The following FBRSL1 variants were observed in gnomAD, a reference collection of about 807,000 sequenced individuals.
FBRSL1 encodes the protein fibrosin-1-like protein.
FBRSL1 carries 51 observed loss-of-function variants against 89.6 expected under a neutral mutation model. That is an observed-to-expected ratio of 0.57 (90% confidence interval 0.45 to 0.72). The LOEUF (loss-of-function observed/expected upper bound fraction) is 0.72. Ranked by LOEUF, FBRSL1 falls within the 30% of genes least tolerant of loss-of-function variation. The pLI is 0.00. For synonymous variants in FBRSL1, 779 were observed against 681.1 expected, an observed-to-expected ratio of 1.14 and a Z score of -2.24; for missense variants, 1,618 against 1,451.8, an observed-to-expected ratio of 1.11 and a Z score of -1.86.
In FBRSL1 at chr12:132,490,443, C is replaced by T. The variant is rs1239732945; in HGVS notation, c.-128C>T. 1.5e-5 allele frequency: 10 copies of T among 646,546 alleles called. No individual in the cohort carries two copies. The highest frequency in any genetic ancestry group is 1.9e-5 in the Non-Finnish European group (10 of 527,122). The allele number at this position is 646,546 out of a possible 1,614,324, so 40.1% of individuals were successfully genotyped here. On this transcript the variant is annotated 5_prime_UTR_variant, in exon 1 of 19. Transcript: ENST00000680143. Reference sequence around the variant, plus strand: ...GCCCGGCCCGGCCCGCCGCCCGCCGCCGCCCAGGGCCCGAGCCCGCGCGGC... The same window carrying T: ...GCCCGGCCCGGCCCGCCGCCCGCCGTCGCCCAGGGCCCGAGCCCGCGCGGC...
At chr12:132,580,183 G>A (rs1489519406) in intron 15 of FBRSL1, among the ~76,000 whole-genome samples, 3 of 152,214 alleles carry the variant, frequency 2.0e-5, no homozygotes, top group East Asian at 1.9e-4. Flanking sequence ...CACCTCCCGG[G>A]TTCAAGCGAT....
At chr12:132,521,398 G>C (rs145093076) in intron 2 of FBRSL1, among the ~76,000 whole-genome samples, 1 of 152,206 alleles carries the variant, frequency 6.6e-6, no homozygotes, top group African/African-American at 2.4e-5. Context: ...AGCCCAACTA[G>C]GGGGTGTGGG....
At chr12:132,573,856 G>A (rs747086470) in intron 11 of FBRSL1, among the ~76,000 whole-genome samples, 7 of 152,314 alleles carry the variant, frequency 4.6e-5, no homozygotes, top group African/African-American at 7.2e-5. Context: ...GGCTCCCCGG[G>A]GAGGGTCGCC....
chr12:132,578,116 GT>G (rs1236776288), intron 15 of FBRSL1, among the ~76,000 whole-genome samples: 1 of 152,232 alleles, frequency 6.6e-6, no homozygotes, highest in Non-Finnish European at 1.5e-5. Flanking sequence ...CTGAACACCT[GT>G]TTTGTGTGTT....
At chr12:132,549,026 G>A (rs577405994) in intron 5 of FBRSL1, among the ~76,000 whole-genome samples, 70 of 152,316 alleles carry the variant, frequency 4.6e-4, no homozygotes, top group African/African-American at 1.6e-3. Flanking sequence ...GGGCTGTGGG[G>A]TCTCACAGCT....
intron 2 of FBRSL1, chr12:132,511,264 G>A (rs1293100243): frequency 1.3e-5 from 13 of 985,314 alleles, no homozygotes; most frequent in Admixed American, 6.2e-5. Context: ...GTCTCCAGGC[G>A]AGGGGGACCC....
chr12:132,547,632 G>A (rs1041159943), intron 4 of FBRSL1, among the ~76,000 whole-genome samples: 1 of 152,218 alleles, frequency 6.6e-6, no homozygotes, highest in Non-Finnish European at 1.5e-5. Context: ...CCTCCTTCCT[G>A]GTGTGAGGAA....
chr12:132,581,919 C>T lies in FBRSL1; in HGVS notation c.1996+95C>T, dbSNP rs1273962538. The T allele has an allele frequency of 3.0e-6, 4 of 1,347,844 alleles. No homozygotes were observed. In the African/African-American group the frequency reaches 4.4e-5, roughly 15 times the overall value. 83.5% of individuals were successfully genotyped at this position (1,347,844 alleles called of 1,614,324 possible). A position where few individuals can be genotyped will look rare whatever the true frequency, so the allele number is the denominator to read the frequency against. ...GGAACCCCGATGCCTGGCTGACCTC[C>T]CTCCTCTCTGGGCTGGGCCTCCTTG... is the stretch of plus-strand genomic sequence containing the variant. On this transcript the variant is annotated intron_variant, in intron 17 of 18. Coordinates refer to ENST00000680143, the MANE Select transcript of FBRSL1 (RefSeq NM_001367871.1).
Position 132,574,072 on chromosome 12 carries a change from G to C in FBRSL1, c.1531-18G>C. ...GGGCGGCCCCAGGCGCACACAAGCT[G>C]TCTCTTTCTCCCCTCAGACTTCAAG... On this transcript the variant is annotated intron_variant, in intron 11 of 18. Coordinates refer to ENST00000680143, the MANE Select transcript of FBRSL1 (RefSeq NM_001367871.1). The C allele has an allele frequency of 1.6e-6, 2 of 1,275,806 alleles. No homozygotes were observed. Among genetic ancestry groups the C allele is most frequent in the Non-Finnish European group, 2.0e-6 (2 of 1,010,452 alleles). 79.0% of individuals were successfully genotyped at this position (1,275,806 alleles called of 1,614,324 possible). A position where few individuals can be genotyped will look rare whatever the true frequency, so the allele number is the denominator to read the frequency against.
chr12:132,490,806 A>C lies in FBRSL1; in HGVS notation c.236A>C (p.Glu79Ala), dbSNP rs934511092. Reference sequence around the variant, plus strand: ...CGCCGCGAGTCCAGCTCGCAGGAGGAGGAGGTCATCGACGGCTTCGCCATC... The same window carrying C: ...CGCCGCGAGTCCAGCTCGCAGGAGGCGGAGGTCATCGACGGCTTCGCCATC... Reference protein sequence around the residue: ...RRRRESSSQEEEVIDGFAIAS... With the variant: ...RRRRESSSQEAEVIDGFAIAS... Residue 79 changes from glutamate (E) to alanine (A), a missense_variant, in exon 1 of 19, where the codon GAG becomes GCG. Transcript: ENST00000680143. The C allele has an allele frequency of 2.2e-6, 3 of 1,385,650 alleles. No individual in the cohort carries two copies. In the African/African-American group the frequency reaches 4.5e-5, roughly 21 times the overall value. 85.8% of individuals were successfully genotyped at this position (1,385,650 alleles called of 1,614,324 possible).
At position 132,570,154 on chromosome 12, in the gene FBRSL1, G is replaced by A. The variant is rs769125289; in HGVS notation, c.920G>A (p.Arg307His). The A allele has an allele frequency of 3.0e-5, 45 of 1,489,710 alleles. No individual in the cohort carries two copies. Among genetic ancestry groups the A allele is most frequent in the Admixed American group, 4.6e-5 (2 of 43,118 alleles). 92.3% of individuals were successfully genotyped at this position (1,489,710 alleles called of 1,614,324 possible). The stretch of plus-strand genomic sequence containing the variant: ...CCGCAGCCGCCACCCCCGCAGCCCC[G>A]CGGCCTGCTCCCGACACACGTGCCT... ...HTPQPPPPQP[R>H]GLLPTHVPAS... Residue 307 changes from arginine (R) to histidine (H), a missense_variant, in exon 7 of 19, where the codon CGC becomes CAC. Coordinates refer to ENST00000680143, the MANE Select transcript of FBRSL1 (RefSeq NM_001367871.1).
At chr12:132,559,267 C>T (rs1193057772) in intron 5 of FBRSL1, among the ~76,000 whole-genome samples, 1 of 152,226 alleles carries the variant, frequency 6.6e-6, no homozygotes, top group African/African-American at 2.4e-5. Flanking sequence ...GAGCTGTCTC[C>T]GACTTTGCAC....
intron 2 of FBRSL1, among the ~76,000 whole-genome samples, chr12:132,517,870 G>A (rs746378477): frequency 3.9e-5 from 6 of 152,170 alleles, no homozygotes; most frequent in Non-Finnish European, 8.8e-5. Context: ...GGCTGCTGCA[G>A]CCGTTCAGGA....
intron 17 of FBRSL1, 84 bp from the exon 18 acceptor site, chr12:132,581,978 T>C: frequency 7.4e-7 from 1 of 1,352,648 alleles, no homozygotes; most frequent in Non-Finnish European, 1.0e-6. Flanking sequence ...CCTGGGACCC[T>C]TCTAAAACCC....
chr12:132,583,201 A>G lies in FBRSL1; in HGVS notation c.2432A>G (p.Asp811Gly). The G allele has an allele frequency of 1.4e-6, 2 of 1,446,464 alleles. No homozygotes were observed. Among genetic ancestry groups the G allele is most frequent in the South Asian group, 2.6e-5 (2 of 77,336 alleles). The allele number at this position is 1,446,464 out of a possible 1,614,324, so 89.6% of individuals were successfully genotyped here. ...CCCCACAGCAAGGCGGCCCCTGGAG[A>G]CGTGAAGGTCAAGGAGGAGCGCGGG... ...SPPHSKAAPGDVKVKEERGED... is the reference protein window; with the variant it reads ...SPPHSKAAPGGVKVKEERGED... The change falls in exon 19 of 19, where the codon GAC becomes GGC. Residue 811 changes from aspartate (D) to glycine (G), a missense_variant. Asp to Gly is a moderately conservative substitution (Grantham distance 94). Transcript: ENST00000680143.
chr12:132,500,734 C>A (rs1183879148), intron 1 of FBRSL1, among the ~76,000 whole-genome samples: 2 of 152,176 alleles, frequency 1.3e-5, no homozygotes, highest in East Asian at 3.8e-4. Flanking sequence ...CCGGGACAGC[C>A]CATTCACACC....
chr12:132,583,631 C>T lies in FBRSL1; in HGVS notation c.2862C>T (p.Gly954=). 4 of 998,376 alleles carry T rather than the reference C, an allele frequency of 4.0e-6. No homozygotes were observed. Among genetic ancestry groups the T allele is most frequent in the Non-Finnish European group, 4.8e-6 (4 of 839,054 alleles). The allele number at this position is 998,376 out of a possible 1,614,324, so 61.8% of individuals were successfully genotyped here. Residue 954 remains glycine (G), a synonymous_variant, in exon 19 of 19, where the codon GGC becomes GGT. Coordinates refer to ENST00000680143, the MANE Select transcript of FBRSL1 (RefSeq NM_001367871.1). ...CCCCGCCCGCCGCCGCCGCCCTCGG[C>T]GCACCGCCCCCCCTGGTGACGGCGG... The part of the protein sequence containing the change: ...ARTPPAAAAL[G]APPPLVTAAG...
intron 5 of FBRSL1, among the ~76,000 whole-genome samples, chr12:132,563,609 G>A (rs1438895511): frequency 6.6e-6 from 1 of 152,138 alleles, no homozygotes; most frequent in Non-Finnish European, 1.5e-5. Flanking sequence ...GGTTTCCAAT[G>A]CTGTCATTTA....
At chr12:132,528,825 G>A (rs911866799) in intron 4 of FBRSL1, among the ~76,000 whole-genome samples, 1 of 152,134 alleles carries the variant, frequency 6.6e-6, no homozygotes, top group Non-Finnish European at 1.5e-5. Flanking sequence ...GTACACGGGT[G>A]TGTTTCAGGG....
Sources: gnomAD v4.1 joint callset for allele counts (sites outside exome capture counted in the v4.1 genomes callset) on GRCh38, gnomAD v4.1.1 for gene constraint, MANE v1.5 for transcripts, NCBI Gene and HGNC (gene_info 2026-07-23, HGNC 2026-07-21) for gene names.